Variants in IL17B observed in about 807,000 individuals in gnomAD.
IL17B encodes the protein interleukin 17B.
A neutral mutation model predicts 14.7 loss-of-function variants in IL17B; 14 were observed. The ratio of observed to expected loss-of-function variants is 0.95; its 90% CI spans 0.63 to 1.49. IL17B has a LOEUF of 1.49. Ranked by LOEUF, IL17B falls within the 40% of genes most tolerant of loss-of-function variation. IL17B has a pLI of 0.00. For missense variants in IL17B, 233 were observed against 252.8 expected, an observed-to-expected ratio of 0.92 and a Z score of 0.53; for synonymous variants, 105 against 94.8, an observed-to-expected ratio of 1.11 and a Z score of -0.62.
chr5:149,389,991 G>A (rs1271554352), intron 1 of IL17B, among the ~76,000 whole-genome samples: 2 of 152,086 alleles, frequency 1.3e-5, no homozygotes, highest in Non-Finnish European at 2.9e-5. Context: ...GACAAACAGA[G>A]TCAACTTCAG....
chr5:149,398,015 C>A (rs544621939), intron 1 of IL17B, among the ~76,000 whole-genome samples: 1 of 152,290 alleles, frequency 6.6e-6, no homozygotes, highest in East Asian at 1.9e-4. Context: ...CACAGATCTC[C>A]TCTAGAAACA....
upstream of IL17B, among the ~76,000 whole-genome samples, chr5:149,383,185 G>A (rs1316855526): frequency 2.0e-5 from 3 of 152,228 alleles, no homozygotes; most frequent in South Asian, 2.1e-4. Context: ...ACGTTAAAGC[G>A]CTTAGCACAG....
chr5:149,388,506 C>A (rs353281), intron 1 of IL17B, among the ~76,000 whole-genome samples: 1 of 151,950 alleles, frequency 6.6e-6, no homozygotes, highest in Non-Finnish European at 1.5e-5. Flanking sequence ...CTTTTATTAG[C>A]GTTTTAAATG....
chr5:149,382,175 C>T (rs757032522), upstream of IL17B, among the ~76,000 whole-genome samples: 6 of 152,026 alleles, frequency 3.9e-5, no homozygotes, highest in African/African-American at 9.7e-5. Flanking sequence ...GGGGATGGGG[C>T]GAGTGGGTGG....
intron 1 of IL17B, among the ~76,000 whole-genome samples, chr5:149,377,495 C>T (rs1379534797): frequency 6.6e-6 from 1 of 152,242 alleles, no homozygotes; most frequent in Non-Finnish European, 1.5e-5. Flanking sequence ...AGTTTCCACA[C>T]ACTGTCATAT....
At chr5:149,394,902 C>T (rs1759059980) in intron 1 of IL17B, among the ~76,000 whole-genome samples, 1 of 151,886 alleles carries the variant, frequency 6.6e-6, no homozygotes, top group South Asian at 2.1e-4. Context: ...TTTAAGGGTA[C>T]CTGTGCAGGT....
intron 1 of IL17B, among the ~76,000 whole-genome samples, chr5:149,386,391 T>C (rs867485399): frequency 2.6e-5 from 4 of 152,088 alleles, no homozygotes; most frequent in Admixed American, 2.0e-4. Context: ...ACACATCACA[T>C]CACCCTTGAT....
chr5:149,381,453 CAG>C (rs1319902219), upstream of IL17B, among the ~76,000 whole-genome samples: 1 of 152,246 alleles, frequency 6.6e-6, no homozygotes. Context: ...CCAGCTCACA[CAG>C]TGCGTTTGTG....
upstream of IL17B, among the ~76,000 whole-genome samples, chr5:149,381,604 C>T (rs1389748672): frequency 6.6e-6 from 1 of 152,234 alleles, no homozygotes; most frequent in East Asian, 1.9e-4. Context: ...CTTGTGGGGG[C>T]CCCAGATCCT....
intron 1 of IL17B, among the ~76,000 whole-genome samples, chr5:149,387,417 T>C (rs923967792): frequency 1.3e-5 from 2 of 152,170 alleles, no homozygotes; most frequent in African/African-American, 2.4e-5. Flanking sequence ...CCCACGCAGA[T>C]GCTGATGACA....
chr5:149,383,390 G>A (rs116725010), upstream of IL17B, among the ~76,000 whole-genome samples: 1,358 of 152,332 alleles, frequency 8.9e-3, 19 homozygotes, highest in African/African-American at 0.031. Flanking sequence ...ACCCTAGAGC[G>A]TTGGCAAGGC....
chr5:149,396,741 C>T (rs372150938), intron 1 of IL17B, among the ~76,000 whole-genome samples: 1 of 151,952 alleles, frequency 6.6e-6, no homozygotes, highest in Non-Finnish European at 1.5e-5. Context: ...CCAACCTGGG[C>T]GACAGAGTGA....
At chr5:149,378,142 CA>C (rs1003255301) in intron 1 of IL17B, among the ~76,000 whole-genome samples, 1 of 151,066 alleles carries the variant, frequency 6.6e-6, no homozygotes, top group Non-Finnish European at 1.5e-5. Context: ...AGACTCCTCT[CA>C]AAAAAAAGAA....
At chr5:149,376,700 C>A (rs536681501) in intron 2 of IL17B, 36 bp downstream of exon 2, 1 of 1,562,574 alleles carries the variant, frequency 6.4e-7, no homozygotes, top group Admixed American at 1.9e-5. Flanking sequence ...AGGTCCCCAC[C>A]CCCCAAAGAC....
At chr5:149,379,038 T>C (rs1378930261) in intron 1 of IL17B, among the ~76,000 whole-genome samples, 167 bp downstream of exon 1, 1 of 152,218 alleles carries the variant, frequency 6.6e-6, no homozygotes, top group Non-Finnish European at 1.5e-5. Flanking sequence ...TGGCCATGGC[T>C]ACAGTGACCA....
At chr5:149,398,300 C>T (rs550599563) in intron 1 of IL17B, among the ~76,000 whole-genome samples, 129 of 152,306 alleles carry the variant, frequency 8.5e-4, no homozygotes, top group African/African-American at 3.0e-3. Flanking sequence ...GGGACTTTAA[C>T]ATTCAGGATT....
upstream of IL17B, among the ~76,000 whole-genome samples, chr5:149,381,097 T>A (rs1758684711): frequency 6.6e-6 from 1 of 152,232 alleles, no homozygotes. Context: ...GACATGCAAC[T>A]GGGGTGACCC....
At chr5:149,398,993 G>C (rs1759155014) in intron 1 of IL17B, among the ~76,000 whole-genome samples, 1 of 152,218 alleles carries the variant, frequency 6.6e-6, no homozygotes, top group Admixed American at 6.5e-5. Flanking sequence ...CGTGGCAGCA[G>C]CAAGAGAGAA....
chr5:149,374,867 C>CA lies in IL17B; in HGVS notation c.312-268dup, dbSNP rs2127616368. The CA allele has an allele frequency of 4.4e-6, 2 of 453,070 alleles. No individual in the cohort carries two copies. Among genetic ancestry groups the CA allele is most frequent in the East Asian group, 7.0e-5 (2 of 28,758 alleles). 28.1% of individuals were successfully genotyped at this position (453,070 alleles called of 1,614,324 possible). ...CTTTCGTGCAGCCAGATGCCCATCCCAGTACTAGGTTGCGCTGTGGGGATT... is the reference window on the plus strand; with the variant it reads ...CTTTCGTGCAGCCAGATGCCCATCCCAAGTACTAGGTTGCGCTGTGGGGATT... On this transcript the variant is annotated intron_variant, in intron 2 of 2. Coordinates refer to ENST00000261796, the MANE Select transcript of IL17B (RefSeq NM_014443.3). The surrounding 1 kb of genome is among the most constrained non-coding windows in gnomAD (Gnocchi z 5.0).
Sources: gnomAD v4.1 joint callset for allele counts (sites outside exome capture counted in the v4.1 genomes callset) on GRCh38, gnomAD v4.1.1 for gene constraint, Gnocchi (gnomAD v3.1) non-coding constraint, MANE v1.5 for transcripts, NCBI Gene and HGNC (gene_info 2026-07-23, HGNC 2026-07-21) for gene names.